MTHFD2: variants seen among roughly 807,000 people sequenced by gnomAD.
MTHFD2 encodes the protein methylenetetrahydrofolate dehydrogenase (NADP+ dependent) 2, methenyltetrahydrofolate cyclohydrolase, also known as bifunctional methylenetetrahydrofolate dehydrogenase/cyclohydrolase, mitochondrial.
A neutral mutation model predicts 36.8 loss-of-function variants in MTHFD2; 26 were observed. The ratio of observed to expected loss-of-function variants is 0.71; its 90% CI spans 0.52 to 0.98. The LOEUF (loss-of-function observed/expected upper bound fraction) is 0.98. Among genes scored for constraint, MTHFD2 ranks in the 50% least tolerant of loss-of-function variants. The probability of loss-of-function intolerance (pLI) is 0.00; values close to 1 mark genes in which losing one functional copy is unlikely to be tolerated. For missense variants in MTHFD2, 373 were observed against 434.0 expected, an observed-to-expected ratio of 0.86 and a Z score of 1.25; for synonymous variants, 164 against 155.2, an observed-to-expected ratio of 1.06 and a Z score of -0.42.
In MTHFD2 at chr2:74,198,677, C is replaced by CCAG; in HGVS notation, c.37_38insAGC (p.Ala12_Arg13insGln). ...CTTCTCTAATGTCTGCTTTGGCTGC[C>CCAG]CGGCTGCTGCAGCCCGCGCACAGCT... On this transcript the variant is annotated inframe_insertion, in exon 1 of 8. Transcript: ENST00000394053. 6.2e-7 allele frequency: 1 copy of CCAG among 1,611,288 alleles called. No homozygotes were observed. Among genetic ancestry groups the CCAG allele is most frequent in the Admixed American group, 1.7e-5 (1 of 59,916 alleles).
In MTHFD2 at chr2:74,215,392, A is replaced by G. The variant is rs185160885; in HGVS notation, c.*1150A>G. On this transcript the variant is annotated 3_prime_UTR_variant, in exon 8 of 8. Transcript: ENST00000394053. ...CCTATATTCAGTAACACTTACTTCT[A>G]TAGCCTTAAATAGATAATTTTTTTT... is the stretch of plus-strand genomic sequence containing the variant. 1 of 149,840 alleles carries G rather than the reference A, an allele frequency of 6.7e-6. No homozygotes were observed. Among genetic ancestry groups the G allele is most frequent in the Non-Finnish European group, 1.5e-5 (1 of 67,456 alleles). 9.3% of individuals were successfully genotyped at this position (149,840 alleles called of 1,614,324 possible). A position where few individuals can be genotyped will look rare whatever the true frequency, so the allele number is the denominator to read the frequency against.
rs1693964299 is a variant in MTHFD2, at chr2:74,198,753, CACAG to C, written c.101+13_101+16del. 1 of 1,599,566 alleles carries C rather than the reference CACAG, an allele frequency of 6.3e-7. No homozygotes were observed. On this transcript the variant is annotated intron_variant, in intron 1 of 7. Transcript: ENST00000394053. ...CCTCGCGGCAGTTCGGTAAGAGGGT[CACAG>C]AGCTCGGTCAGCGCGGAAAGCTGAG...
In MTHFD2 at chr2:74,214,075, GTA is replaced by G; in HGVS notation, c.890-3_890-2del. The G allele has an allele frequency of 6.2e-7, 1 of 1,613,366 alleles. No homozygotes were observed. The highest frequency in any genetic ancestry group is 1.7e-5 in the Admixed American group (1 of 59,932). The stretch of plus-strand genomic sequence containing the variant: ...AGCAGCCTGCCTGTCTTGTTTCTAT[GTA>G]GGAGTCAGACAAAAAGCTGGGTATA... On this transcript the variant is annotated splice_acceptor_variant and splice_polypyrimidine_tract_variant and intron_variant, in intron 7 of 7. Coordinates refer to ENST00000394053, the MANE Select transcript of MTHFD2 (RefSeq NM_006636.4). LOFTEE classifies it high-confidence loss of function.
At chr2:74,205,086 G>A (rs1694146659) in intron 1 of MTHFD2, among the ~76,000 whole-genome samples, 1 of 152,138 alleles carries the variant, frequency 6.6e-6, no homozygotes, top group African/African-American at 2.4e-5. Context: ...GCCTCCCAAA[G>A]TGCTGGGATT....
chr2:74,207,593 G>T, intron 2 of MTHFD2, 111 bp from the exon 3 acceptor site: 1 of 997,254 alleles, frequency 1.0e-6, no homozygotes, highest in Non-Finnish European at 1.5e-6. Flanking sequence ...CAGCTTTTAG[G>T]GATGAGTGTG....
chr2:74,209,705 C>T (rs773544497), intron 4 of MTHFD2, among the ~76,000 whole-genome samples: 8 of 152,082 alleles, frequency 5.3e-5, no homozygotes, highest in Non-Finnish European at 4.4e-5. Flanking sequence ...TGTGAGCCAC[C>T]GCCCCAGCCC....
At position 74,217,062 on chromosome 2, in the gene MTHFD2, A is replaced by G. The variant is rs1480625333; in HGVS notation, c.*2820A>G. 1 of 152,236 alleles carries G rather than the reference A, an allele frequency of 6.6e-6. No homozygotes were observed. The highest frequency in any genetic ancestry group is 1.5e-5 in the Non-Finnish European group (1 of 68,048). 9.4% of individuals were successfully genotyped at this position (152,236 alleles called of 1,614,324 possible). A position where few individuals can be genotyped will look rare whatever the true frequency, so the allele number is the denominator to read the frequency against. ...ATCAAACACTTATTGAGAGCTTTCT[A>G]TGGACCAGGCACTACACTAGACGCT... On this transcript the variant is annotated 3_prime_UTR_variant, in exon 8 of 8. Coordinates refer to ENST00000394053, the MANE Select transcript of MTHFD2 (RefSeq NM_006636.4).
At position 74,205,948 on chromosome 2, in the gene MTHFD2, C is replaced by G. The variant is rs550384995; in HGVS notation, c.286+59C>G. 19 of 1,517,200 alleles carry G rather than the reference C, an allele frequency of 1.3e-5. No homozygotes were observed. The African/African-American group carries it at 2.4e-4, about 19-fold the overall frequency. The allele number at this position is 1,517,200 out of a possible 1,614,324, so 94.0% of individuals were successfully genotyped here. A position where few individuals can be genotyped will look rare whatever the true frequency, so the allele number is the denominator to read the frequency against. Reference sequence around the variant, plus strand: ...AGTTGAGGTTTATATGAGGCAAAGTCCATTCTAATTTATGATTTCTTTTTT... The same window carrying G: ...AGTTGAGGTTTATATGAGGCAAAGTGCATTCTAATTTATGATTTCTTTTTT... On this transcript the variant is annotated intron_variant, in intron 2 of 7. Coordinates refer to ENST00000394053, the MANE Select transcript of MTHFD2 (RefSeq NM_006636.4).
intron 7 of MTHFD2, among the ~76,000 whole-genome samples, chr2:74,212,588 A>G (rs771140945): frequency 6.6e-6 from 1 of 152,002 alleles, no homozygotes; most frequent in Non-Finnish European, 1.5e-5. Flanking sequence ...TTTCATAAGA[A>G]TTAGAGAAAC....
chr2:74,200,143 C>G (rs1694009141), intron 1 of MTHFD2, among the ~76,000 whole-genome samples: 1 of 152,102 alleles, frequency 6.6e-6, no homozygotes, highest in African/African-American at 2.4e-5. Context: ...CAGGGTTTTC[C>G]CTGGTCTGAC....
intron 1 of MTHFD2, among the ~76,000 whole-genome samples, chr2:74,200,215 C>T (rs1694012346): frequency 6.6e-6 from 1 of 152,210 alleles, no homozygotes; most frequent in South Asian, 2.1e-4. Flanking sequence ...TTCCTGAGTG[C>T]TGGCCTCATG....
At chr2:74,199,882 T>G (rs1694003456) in intron 1 of MTHFD2, among the ~76,000 whole-genome samples, 1 of 152,188 alleles carries the variant, frequency 6.6e-6, no homozygotes, top group Admixed American at 6.5e-5. Flanking sequence ...TTGTTGGCAT[T>G]GTTAGAGCCC....
chr2:74,212,240 C>G (rs1363280116), intron 7 of MTHFD2, among the ~76,000 whole-genome samples: 3 of 138,210 alleles, frequency 2.2e-5, no homozygotes, highest in Non-Finnish European at 4.6e-5. Context: ...TCCCCCCACC[C>G]CTTTCTTCCT....
chr2:74,200,127 G>A (rs6737355), intron 1 of MTHFD2, among the ~76,000 whole-genome samples: 5,282 of 152,242 alleles, frequency 0.035, 306 homozygotes, highest in African/African-American at 0.12. Flanking sequence ...CGTGGGAGGG[G>A]ACTTTCAGGG....
chr2:74,215,425 T>G lies in MTHFD2; in HGVS notation c.*1183T>G. On this transcript the variant is annotated 3_prime_UTR_variant, in exon 8 of 8. Coordinates refer to ENST00000394053, the MANE Select transcript of MTHFD2 (RefSeq NM_006636.4). ...AAATAGATAATTTTTTTTCTTCTAT[T>G]TTTTTTTTTTTTTTTGTAGAGATGG... 6.9e-6 allele frequency: 1 copy of G among 144,364 alleles called. No homozygotes were observed. Among genetic ancestry groups the G allele is most frequent in the East Asian group, 2.0e-4 (1 of 5,118 alleles). 8.9% of individuals were successfully genotyped at this position (144,364 alleles called of 1,614,324 possible).
rs756630722 is a variant in MTHFD2 at position 74,211,866 on chromosome 2, G to A, written c.889G>A (p.Gly297Arg). ...PKLVGDVDFE[G>R]VRQKAGYITP... is the part of the protein sequence containing the mutation. ...GTTGGTTGGAGATGTGGATTTTGAA[G>A]GTAAATGGTGAAATTTTATTTTTAA... Residue 297 changes from glycine (G) to arginine (R), a missense_variant and splice_region_variant, in exon 7 of 8, where the codon GGA becomes AGA. Coordinates refer to ENST00000394053, the MANE Select transcript of MTHFD2 (RefSeq NM_006636.4). The A allele has an allele frequency of 1.9e-6, 3 of 1,604,728 alleles. No homozygotes were observed. Among genetic ancestry groups the A allele is most frequent in the Non-Finnish European group, 2.6e-6 (3 of 1,176,180 alleles).
At chr2:74,198,844 A>C in intron 1 of MTHFD2, 102 bp downstream of exon 1, 6 of 1,098,802 alleles carry the variant, frequency 5.5e-6, no homozygotes, top group Non-Finnish European at 7.6e-6. Flanking sequence ...TCCTTCCCGA[A>C]CATCTCCGCC....
chr2:74,200,438 C>A (rs1056411196), intron 1 of MTHFD2, among the ~76,000 whole-genome samples: 2 of 152,146 alleles, frequency 1.3e-5, no homozygotes, highest in Admixed American at 1.3e-4. Flanking sequence ...ATTTACAATT[C>A]CCACATATTG....
chr2:74,204,088 A>G (rs1481751200), intron 1 of MTHFD2, among the ~76,000 whole-genome samples: 1 of 151,796 alleles, frequency 6.6e-6, no homozygotes, highest in Non-Finnish European at 1.5e-5. Flanking sequence ...TAATTTTTGT[A>G]TTTTTAGCAG....
Sources: allele counts gnomAD v4.1 joint callset (sites outside exome capture counted in the v4.1 genomes callset), GRCh38; gene constraint gnomAD v4.1.1; transcripts MANE v1.5; gene names NCBI Gene and HGNC (gene_info 2026-07-23, HGNC 2026-07-21).